The following LRRIQ1 variants were observed in gnomAD, a reference collection of about 807,000 sequenced individuals.
LRRIQ1 encodes leucine-rich repeat- and IQ domain-containing protein 1.
Under a neutral mutation model 211.9 loss-of-function variants are expected in LRRIQ1, and 210 were observed. That is an observed-to-expected ratio of 0.99 (90% CI 0.89 to 1.11). The LOEUF (loss-of-function observed/expected upper bound fraction) is 1.11, where lower values mean the gene tolerates loss of function less well. LRRIQ1 is among the 50% of genes most tolerant of loss of function. The pLI is 0.00. For missense variants in LRRIQ1, 2,136 were observed against 1,939.5 expected, an observed-to-expected ratio of 1.10 and a Z score of -1.90; for synonymous variants, 699 against 650.1, an observed-to-expected ratio of 1.08 and a Z score of -1.14.
chr12:85,061,984 C>T (rs1036298123), intron 8 of LRRIQ1, among the ~76,000 whole-genome samples: 6 of 151,658 alleles, frequency 4.0e-5, no homozygotes, highest in Admixed American at 4.0e-4. Context: ...TCACCATGAA[C>T]ACATGGTCCT....
At chr12:85,127,701 A>T (rs1328690217) in intron 17 of LRRIQ1, 131 bp from the exon 18 acceptor site, 8 of 719,176 alleles carry the variant, frequency 1.1e-5, no homozygotes, top group Non-Finnish European at 6.8e-6. Context: ...TAAACAAAAG[A>T]AGTGGTCTTA....
chr12:85,059,219 T>C (rs1881492999), intron 8 of LRRIQ1, among the ~76,000 whole-genome samples: 1 of 152,036 alleles, frequency 6.6e-6, no homozygotes, highest in African/African-American at 2.4e-5. Flanking sequence ...GAAAAGTTTA[T>C]TGTCTCCCAG....
chr12:85,131,223 A>T (rs1888737142), intron 18 of LRRIQ1, among the ~76,000 whole-genome samples: 3 of 151,840 alleles, frequency 2.0e-5, no homozygotes. Flanking sequence ...AAAAAAAAAA[A>T]AAAAATTTCA....
intron 24 of LRRIQ1, among the ~76,000 whole-genome samples, chr12:85,186,190 A>G (rs1367530928): frequency 6.6e-6 from 1 of 152,190 alleles, no homozygotes; most frequent in Non-Finnish European, 1.5e-5. Context: ...AGAAAGTTAT[A>G]GTTATAAGAT....
intron 24 of LRRIQ1, among the ~76,000 whole-genome samples, chr12:85,163,555 A>T (rs959037): frequency 0.017 from 2,532 of 151,962 alleles, 69 homozygotes; most frequent in African/African-American, 0.059. Flanking sequence ...TATAAATTTA[A>T]AAAAAAATTA....
chr12:85,225,881 TAACA>T (rs1894627917), intron 24 of LRRIQ1, among the ~76,000 whole-genome samples: 1 of 152,216 alleles, frequency 6.6e-6, no homozygotes, highest in African/African-American at 2.4e-5. Flanking sequence ...TCTTCCTCAG[TAACA>T]GGAGTAATTC....
At chr12:85,242,311 A>C (rs1415095003) in intron 26 of LRRIQ1, among the ~76,000 whole-genome samples, 2 of 151,970 alleles carry the variant, frequency 1.3e-5, no homozygotes, top group African/African-American at 4.8e-5. Flanking sequence ...AAAATATTCA[A>C]ACAAACAAAA....
chr12:85,217,726 A>ATGTGTATATATATGTAACTG (rs1894219341), intron 24 of LRRIQ1, among the ~76,000 whole-genome samples: 9 of 144,096 alleles, frequency 6.2e-5, no homozygotes, highest in Admixed American at 5.6e-4. Context: ...ATATGTATAT[A>ATGTGTATATATATGTAACTG]TGTGTATATA....
intron 11 of LRRIQ1, among the ~76,000 whole-genome samples, chr12:85,081,185 G>C (rs1172061251): frequency 6.6e-6 from 1 of 151,976 alleles, no homozygotes; most frequent in Admixed American, 6.6e-5. Context: ...TGACCTCCTA[G>C]GTTTGTAAGC....
At chr12:85,216,446 G>A (rs985104118) in intron 24 of LRRIQ1, among the ~76,000 whole-genome samples, 1 of 150,752 alleles carries the variant, frequency 6.6e-6, no homozygotes, top group Non-Finnish European at 1.5e-5. Flanking sequence ...AATGATCAGA[G>A]GAATATTTTT....
rs574088812 is a variant in LRRIQ1, at chr12:85,238,395, T to A, written c.5016+5639T>A. Reference sequence around the variant, plus strand: ...TGATGAGAAATACGAGAAAACAGATTTAAAAAGCTTAACACAAAAATTACA... The same window carrying A: ...TGATGAGAAATACGAGAAAACAGATATAAAAAGCTTAACACAAAAATTACA... On this transcript the variant is annotated intron_variant, in intron 26 of 26. Transcript: ENST00000393217. Among the ~76,000 whole-genome samples the A allele has an allele frequency of 2.7e-3, 404 of 152,044 alleles. 3 individuals are homozygous for A. The highest frequency in any genetic ancestry group is 7.0e-3 in the South Asian group (34 of 4,824).
chr12:85,073,825 A>G (rs2136114870), intron 11 of LRRIQ1, among the ~76,000 whole-genome samples: 1 of 152,166 alleles, frequency 6.6e-6, no homozygotes. Context: ...TCTTCAGGAA[A>G]TGCTTAGAGA....
chr12:85,045,325 T>C (rs1383834944), intron 4 of LRRIQ1, among the ~76,000 whole-genome samples: 3 of 151,910 alleles, frequency 2.0e-5, no homozygotes, highest in Non-Finnish European at 4.4e-5. Context: ...AAAGATTCAC[T>C]TCTTAGATTG....
chr12:85,247,850 T>TG (rs5799726), downstream of LRRIQ1, among the ~76,000 whole-genome samples: 151,226 of 151,612 alleles, frequency 1, 75,420 homozygotes, highest in Middle Eastern at 1. Context: ...CAGGCAATAT[T>TG]TCTTTTGTTA....
downstream of LRRIQ1, among the ~76,000 whole-genome samples, chr12:85,248,181 ATTATCT>A (rs1385224404): frequency 6.6e-6 from 1 of 151,566 alleles, no homozygotes; most frequent in East Asian, 1.9e-4. Context: ...AGCTTTATAC[ATTATCT>A]TTATTTATCT....
chr12:85,105,051 TTG>T (rs1396004355), intron 14 of LRRIQ1, among the ~76,000 whole-genome samples: 1 of 152,114 alleles, frequency 6.6e-6, no homozygotes, highest in Non-Finnish European at 1.5e-5. Flanking sequence ...CCCTCTTTTG[TTG>T]TGTCTATTCA....
intron 24 of LRRIQ1, among the ~76,000 whole-genome samples, chr12:85,173,928 A>G (rs1428983392): frequency 1.3e-5 from 2 of 152,134 alleles, no homozygotes; most frequent in Admixed American, 1.3e-4. Context: ...AAGAGGAAAC[A>G]TCTAAAAACT....
At chr12:85,052,971 A>G (rs778584390) in intron 7 of LRRIQ1, among the ~76,000 whole-genome samples, 2 of 152,092 alleles carry the variant, frequency 1.3e-5, no homozygotes, top group African/African-American at 4.8e-5. Flanking sequence ...TAAACAGGTG[A>G]TGTGAAAAGA....
chr12:85,192,689 T>TAA (rs1443173740), intron 24 of LRRIQ1, among the ~76,000 whole-genome samples: 1 of 57,688 alleles, frequency 1.7e-5, no homozygotes, highest in Non-Finnish European at 2.5e-5. Flanking sequence ...TAATTATATA[T>TAA]AAATATATAG....
Sources: gnomAD v4.1 joint callset for allele counts (sites outside exome capture counted in the v4.1 genomes callset) on GRCh38, gnomAD v4.1.1 for gene constraint, MANE v1.5 for transcripts, NCBI Gene and HGNC (gene_info 2026-07-23, HGNC 2026-07-21) for gene names.